Variants in R3HDM2 observed in about 807,000 individuals in gnomAD.
R3HDM2 encodes the protein R3H domain-containing protein 2.
Under a neutral mutation model 124.5 loss-of-function variants are expected in R3HDM2, and 38 were observed. That is an observed-to-expected ratio of 0.31 (90% CI 0.24 to 0.40). The LOEUF (loss-of-function observed/expected upper bound fraction) is 0.40, where lower values mean the gene tolerates loss of function less well. Among genes scored for constraint, R3HDM2 ranks in the 10% least tolerant of loss-of-function variants. The probability of loss-of-function intolerance (pLI) is 1.00; values close to 1 mark genes in which losing one functional copy is unlikely to be tolerated. For synonymous variants in R3HDM2, 391 were observed against 448.0 expected, an observed-to-expected ratio of 0.87 and a Z score of 1.61; for missense variants, 869 against 1,236.9, an observed-to-expected ratio of 0.70 and a Z score of 4.46.
chr12:57,346,247 A>G (rs2060079770), intron 2 of R3HDM2, among the ~76,000 whole-genome samples: 1 of 151,886 alleles, frequency 6.6e-6, no homozygotes, highest in Non-Finnish European at 1.5e-5. Context: ...ACCTGAGGCT[A>G]GGAGTTCGAG....
At position 57,328,923 on chromosome 12, in the gene R3HDM2, A is replaced by G. The variant is rs140057953; in HGVS notation, c.-35-18460T>C. 4.6e-3 allele frequency among the ~76,000 whole-genome samples: 703 copies of G among 152,246 alleles called. 4 individuals carry two copies. Among genetic ancestry groups the G allele is most frequent in the Admixed American group, 4.5e-3 (68 of 15,280 alleles). On this transcript the variant is annotated intron_variant, in intron 2 of 23. Transcript: ENST00000402412. Reference sequence around the variant, plus strand: ...ATGACTTGCTTTATTGTGATATTCAATTGCAGTGGTCTGGAACGAAACTCA... The same window carrying G: ...ATGACTTGCTTTATTGTGATATTCAGTTGCAGTGGTCTGGAACGAAACTCA...
intron 2 of R3HDM2, among the ~76,000 whole-genome samples, chr12:57,380,376 GACACTAATATT>G (rs1266662071): frequency 1.3e-5 from 2 of 152,140 alleles, no homozygotes; most frequent in Non-Finnish European, 2.9e-5. Context: ...AGATTTAAAT[GACACTAATATT>G]ACACAAAAGA....
intron 2 of R3HDM2, among the ~76,000 whole-genome samples, chr12:57,354,543 C>G (rs554210991): frequency 9.2e-5 from 14 of 152,158 alleles, no homozygotes; most frequent in Admixed American, 5.9e-4. Context: ...ATTCGCCTGC[C>G]TCAGCCTCCC....
intron 5 of R3HDM2, among the ~76,000 whole-genome samples, chr12:57,299,718 G>A (rs1239285513): frequency 6.6e-6 from 1 of 152,174 alleles, no homozygotes; most frequent in African/African-American, 2.4e-5. Flanking sequence ...CTTGGCACAG[G>A]TATTGAATGG....
chr12:57,357,592 G>A (rs1322480085), intron 2 of R3HDM2, among the ~76,000 whole-genome samples: 3 of 151,002 alleles, frequency 2.0e-5, no homozygotes, highest in African/African-American at 4.9e-5. Context: ...TAGTAAGTCT[G>A]GCTAAAAGTT....
At chr12:57,271,680 T>C (rs1190231780) in intron 14 of R3HDM2, among the ~76,000 whole-genome samples, 1 of 152,160 alleles carries the variant, frequency 6.6e-6, no homozygotes, top group Non-Finnish European at 1.5e-5. Flanking sequence ...AAAGTAGATG[T>C]TAAGACAGAG....
chr12:57,362,667 G>C (rs1434692895), intron 2 of R3HDM2, among the ~76,000 whole-genome samples: 1 of 151,960 alleles, frequency 6.6e-6, no homozygotes, highest in African/African-American at 2.4e-5. Context: ...CAATCTTTTG[G>C]GCAACTGCTG....
At chr12:57,283,779 G>A in intron 13 of R3HDM2, 45 bp downstream of exon 13, 1 of 1,571,702 alleles carries the variant, frequency 6.4e-7, no homozygotes, top group Non-Finnish European at 8.8e-7. Context: ...CAGGAGACAA[G>A]CAAGAAGGGA....
At chr12:57,396,978 A>G (rs2067604601) in intron 1 of R3HDM2, among the ~76,000 whole-genome samples, 1 of 151,886 alleles carries the variant, frequency 6.6e-6, no homozygotes, top group Admixed American at 6.6e-5. Context: ...CTGTAATCTC[A>G]GCTACTTGGG....
intron 2 of R3HDM2, among the ~76,000 whole-genome samples, chr12:57,330,889 A>C (rs1259973538): frequency 6.7e-6 from 1 of 149,210 alleles, no homozygotes; most frequent in Admixed American, 6.7e-5. Flanking sequence ...TTAGTAGAGA[A>C]GGGGTTTCAC....
chr12:57,256,603 G>A (rs1053856695), intron 21 of R3HDM2, 92 bp from the exon 22 acceptor site: 3 of 870,654 alleles, frequency 3.4e-6, no homozygotes, highest in Non-Finnish European at 5.2e-6. Flanking sequence ...CAGCAACAAT[G>A]CATACTATTC....
chr12:57,401,180 CAA>C (rs761312612), intron 1 of R3HDM2, among the ~76,000 whole-genome samples: 9 of 140,558 alleles, frequency 6.4e-5, no homozygotes, highest in East Asian at 4.1e-4. Context: ...CAGTTCGTCT[CAA>C]AAAAAAAAAA....
At chr12:57,386,371 G>C (rs976739226) in intron 2 of R3HDM2, among the ~76,000 whole-genome samples, 5 of 152,214 alleles carry the variant, frequency 3.3e-5, no homozygotes, top group Admixed American at 6.5e-5. Context: ...CACGAGTTCC[G>C]GGTGGGAGTG....
At chr12:57,309,927 G>A (rs2053560511) in intron 3 of R3HDM2, among the ~76,000 whole-genome samples, 1 of 152,174 alleles carries the variant, frequency 6.6e-6, no homozygotes, top group Admixed American at 6.5e-5. Flanking sequence ...TATAAAGAAT[G>A]TTGGCCGGGC....
In R3HDM2 at chr12:57,296,676, A is replaced by C; in HGVS notation, c.561-125T>G. 2.0e-6 allele frequency: 2 copies of C among 1,000,410 alleles called. No individual in the cohort carries two copies. The highest frequency in any genetic ancestry group is 3.3e-5 in the African/African-American group (2 of 61,186). The allele number at this position is 1,000,410 out of a possible 1,614,324, so 62.0% of individuals were successfully genotyped here. On this transcript the variant is annotated intron_variant, in intron 8 of 23. Transcript: ENST00000402412. This position sits in a 1 kb window ranked among gnomAD's most constrained non-coding sequence, Gnocchi z 4.5. ...TAGGAGAAATAGACATATTATAAGG[A>C]ATATAGATATTTACTAAATGGGAAC...
At chr12:57,384,353 C>CAA (rs55693368) in intron 2 of R3HDM2, among the ~76,000 whole-genome samples, 33 of 117,778 alleles carry the variant, frequency 2.8e-4, no homozygotes, top group East Asian at 1.6e-3. Flanking sequence ...GACTCTGTCT[C>CAA]AAAAAAAAAA....
chr12:57,355,555 A>G (rs2061192507), intron 2 of R3HDM2, among the ~76,000 whole-genome samples: 1 of 152,146 alleles, frequency 6.6e-6, no homozygotes, highest in Admixed American at 6.5e-5. Flanking sequence ...GTCAAAAATC[A>G]ACTGACATGT....
rs557541683 is a variant in R3HDM2, at chr12:57,314,261, C to T, written c.-35-3798G>A. On this transcript the variant is annotated intron_variant, in intron 2 of 23. Coordinates refer to ENST00000402412, the MANE Select transcript of R3HDM2 (RefSeq NM_001394031.1). ...TTGGGAGGCCGAGGCGGTTGGATAA[C>T]CTGAGGTCAGGAGTTAGAGACCAGC... Among the ~76,000 whole-genome samples the T allele has an allele frequency of 3.3e-4, 50 of 151,938 alleles. No homozygotes were observed. In the East Asian group the frequency reaches 8.9e-3, roughly 27 times the overall value.
At chr12:57,263,009 ATC>A (rs2041270818) in intron 19 of R3HDM2, among the ~76,000 whole-genome samples, 1 of 152,232 alleles carries the variant, frequency 6.6e-6, no homozygotes, top group Non-Finnish European at 1.5e-5. Context: ...TACATTAATT[ATC>A]TCTTTCTTCT....
Sources: gnomAD v4.1 joint callset for allele counts (sites outside exome capture counted in the v4.1 genomes callset) on GRCh38, gnomAD v4.1.1 for gene constraint, Gnocchi (gnomAD v3.1) non-coding constraint, MANE v1.5 for transcripts, NCBI Gene and HGNC (gene_info 2026-07-23, HGNC 2026-07-21) for gene names.